MSI2: variants seen among roughly 807,000 people sequenced by gnomAD.
MSI2 encodes RNA-binding protein Musashi homolog 2.
A neutral mutation model predicts 45.6 loss-of-function variants in MSI2; 17 were observed. The observed-to-expected ratio is 0.37, with a 90% confidence interval of 0.26 to 0.56. The LOEUF is 0.56. Ranked by LOEUF, MSI2 falls within the 20% of genes least tolerant of loss-of-function variation. The pLI, the probability that MSI2 is intolerant of heterozygous loss-of-function variation, is 0.77. For synonymous variants in MSI2, 156 were observed against 158.2 expected (o/e 0.99, Z 0.11); for missense variants, 293 against 444.2 (o/e 0.66, Z 3.06).
At chr17:57,467,652 T>C (rs2085352441) in intron 6 of MSI2, among the ~76,000 whole-genome samples, 1 of 152,016 alleles carries the variant, frequency 6.6e-6, no homozygotes, top group African/African-American at 2.4e-5. Context: ...TCCTGCTGTA[T>C]CCAACCAGAG....
At chr17:57,363,414 G>A (rs766353059) in intron 5 of MSI2, among the ~76,000 whole-genome samples, 8 of 152,104 alleles carry the variant, frequency 5.3e-5, no homozygotes, top group Non-Finnish European at 8.8e-5. Context: ...AAAGAGTGGC[G>A]ATTTTATGTT....
chr17:57,388,841 G>A (rs1479577365), intron 5 of MSI2, among the ~76,000 whole-genome samples: 7 of 151,668 alleles, frequency 4.6e-5, no homozygotes, highest in Non-Finnish European at 1.0e-4. Context: ...TTTAGTAGAA[G>A]TGGAGTTTTG....
chr17:57,461,474 T>G (rs1016128372), intron 6 of MSI2, among the ~76,000 whole-genome samples: 3 of 151,712 alleles, frequency 2.0e-5, no homozygotes, highest in Non-Finnish European at 2.9e-5. Context: ...AGTAGGAAAT[T>G]TCTCCTTCTG....
intron 5 of MSI2, among the ~76,000 whole-genome samples, chr17:57,310,406 TCACTGCGAC>T (rs1912296966): frequency 1.3e-5 from 2 of 151,926 alleles, no homozygotes; most frequent in Non-Finnish European, 2.9e-5. Context: ...TGATCTTGGC[TCACTGCGAC>T]CTCTGCCTCT....
chr17:57,403,175 G>A (rs1180592808), intron 6 of MSI2, among the ~76,000 whole-genome samples: 1 of 152,134 alleles, frequency 6.6e-6, no homozygotes, highest in Non-Finnish European at 1.5e-5. Context: ...CAGAAAAGTC[G>A]GTGCTGCCCA....
At chr17:57,644,073 A>G (rs1167067233) in intron 10 of MSI2, among the ~76,000 whole-genome samples, 3 of 151,872 alleles carry the variant, frequency 2.0e-5, no homozygotes. Flanking sequence ...CCCTTCCCCA[A>G]CCAGCAGCCG....
intron 5 of MSI2, among the ~76,000 whole-genome samples, chr17:57,322,317 C>T (rs1284232578): frequency 1.3e-5 from 2 of 152,102 alleles, no homozygotes; most frequent in African/African-American, 4.8e-5. Flanking sequence ...GTGTCCTCTG[C>T]ACTTTGTGGT....
Position 57,400,812 on chromosome 17 carries a change from G to C in MSI2, c.313-567G>C, listed in dbSNP as rs140693062. On this transcript the variant is annotated intron_variant, in intron 5 of 13. Coordinates refer to ENST00000284073, the MANE Select transcript of MSI2 (RefSeq NM_138962.4). The stretch of plus-strand genomic sequence containing the variant: ...GATTAGCTGGGCTTGACTGGGTGCA[G>C]GGTGAATCAAGATGAATCACAGGAA... Among the ~76,000 whole-genome samples, 787 of 152,120 alleles carry C rather than the reference G, an allele frequency of 5.2e-3. 2 individuals carry two copies. Among genetic ancestry groups the C allele is most frequent in the Non-Finnish European group, 7.7e-3 (527 of 68,022 alleles).
intron 5 of MSI2, among the ~76,000 whole-genome samples, chr17:57,345,007 G>A (rs967542521): frequency 1.3e-5 from 2 of 152,092 alleles, no homozygotes; most frequent in African/African-American, 2.4e-5. Flanking sequence ...AGCTTGCAGT[G>A]AGCCGAGATT....
chr17:57,469,713 G>A (rs1163304890), intron 6 of MSI2, among the ~76,000 whole-genome samples: 1 of 152,248 alleles, frequency 6.6e-6, no homozygotes, highest in East Asian at 1.9e-4. Context: ...GGCAGGAACT[G>A]AAAGTTTCTT....
chr17:57,303,362 C>T (rs1911587291), intron 5 of MSI2, among the ~76,000 whole-genome samples: 1 of 152,120 alleles, frequency 6.6e-6, no homozygotes, highest in Non-Finnish European at 1.5e-5. Flanking sequence ...CTAGTAACCC[C>T]ATGAGAAGAA....
chr17:57,519,024 G>T (rs1370776946), intron 6 of MSI2, among the ~76,000 whole-genome samples: 1 of 151,982 alleles, frequency 6.6e-6, no homozygotes, highest in Admixed American at 6.6e-5. Flanking sequence ...CACTCTCCAG[G>T]GTGGTGCTTG....
At chr17:57,326,591 C>T (rs1360924092) in intron 5 of MSI2, among the ~76,000 whole-genome samples, 1 of 152,160 alleles carries the variant, frequency 6.6e-6, no homozygotes, top group Admixed American at 6.5e-5. Context: ...GAGTAAATAC[C>T]CAGTGAGACT....
intron 12 of MSI2, 92 bp downstream of exon 12, chr17:57,675,218 G>A: frequency 7.6e-7 from 1 of 1,316,144 alleles, no homozygotes; most frequent in South Asian, 1.3e-5. Context: ...CAACATCGGG[G>A]GCAGAGGAGA....
At chr17:57,393,595 G>A (rs2083834909) in intron 5 of MSI2, among the ~76,000 whole-genome samples, 1 of 152,174 alleles carries the variant, frequency 6.6e-6, no homozygotes, top group Non-Finnish European at 1.5e-5. Context: ...AAAGTTTTTG[G>A]GTGGACATAG....
At chr17:57,290,058 C>CCCAT (rs1910275871) in intron 5 of MSI2, among the ~76,000 whole-genome samples, 1 of 152,152 alleles carries the variant, frequency 6.6e-6, no homozygotes. Flanking sequence ...GGCAGTATAG[C>CCCAT]CCATGGTTGA....
chr17:57,422,005 G>A (rs1280902295), intron 6 of MSI2, among the ~76,000 whole-genome samples: 2 of 152,176 alleles, frequency 1.3e-5, no homozygotes, highest in Non-Finnish European at 2.9e-5. Context: ...ACTATCAAAT[G>A]TTACACAGCT....
intron 6 of MSI2, among the ~76,000 whole-genome samples, chr17:57,499,497 T>C (rs2086053881): frequency 6.6e-6 from 1 of 152,002 alleles, no homozygotes; most frequent in South Asian, 2.1e-4. Flanking sequence ...GAAATAATCA[T>C]AAAAGTTTCT....
At chr17:57,282,057 C>T (rs548661239) in intron 5 of MSI2, among the ~76,000 whole-genome samples, 334 of 152,198 alleles carry the variant, frequency 2.2e-3, no homozygotes, top group African/African-American at 7.2e-3. Context: ...CAGATCAAAG[C>T]GGGGAGACTA....
Sources: allele counts gnomAD v4.1 joint callset (sites outside exome capture counted in the v4.1 genomes callset), GRCh38; gene constraint gnomAD v4.1.1; transcripts MANE v1.5; gene names NCBI Gene and HGNC (gene_info 2026-07-23, HGNC 2026-07-21).